SPAG9: variants seen among roughly 807,000 people sequenced by gnomAD.
SPAG9 encodes the protein sperm associated antigen 9.
Under a neutral mutation model 166.5 loss-of-function variants are expected in SPAG9, and 35 were observed. That is an observed-to-expected ratio of 0.21 (90% CI 0.16 to 0.28). SPAG9 has a LOEUF of 0.28. Ranked by LOEUF, SPAG9 falls within the 10% of genes least tolerant of loss-of-function variation. The probability of loss-of-function intolerance (pLI) is 1.00; values close to 1 mark genes in which losing one functional copy is unlikely to be tolerated. For synonymous variants in SPAG9, 534 were observed against 565.5 expected (o/e 0.94, Z 0.79); for missense variants, 1,235 against 1,603.3 (o/e 0.77, Z 3.92).
At chr17:50,984,766 C>A (rs1036668064) in intron 24 of SPAG9, among the ~76,000 whole-genome samples, 157 bp downstream of exon 24, 2 of 152,190 alleles carry the variant, frequency 1.3e-5, no homozygotes, top group Non-Finnish European at 2.9e-5. Context: ...TTAATGTATA[C>A]CTCCATGCAC....
chr17:51,076,461 C>T (rs1241397483), intron 2 of SPAG9, among the ~76,000 whole-genome samples: 7 of 151,972 alleles, frequency 4.6e-5, no homozygotes, highest in East Asian at 3.9e-4. Flanking sequence ...CCAGGCTGGG[C>T]GCAGTGGCTC....
rs1214206897 is a variant in SPAG9 at position 51,073,531 on chromosome 17, C to T, written c.424+6053G>A. Among the ~76,000 whole-genome samples the T allele has an allele frequency of 2.0e-5, 3 of 151,622 alleles. No homozygotes were observed. The South Asian group carries it at 6.2e-4, about 32-fold the overall frequency. Reference sequence around the variant, plus strand: ...AATTTTTAAAATTAAAAATAAGAAGCTTTGATTCATATTGCAGATTTAAAA... The same window carrying T: ...AATTTTTAAAATTAAAAATAAGAAGTTTTGATTCATATTGCAGATTTAAAA... On this transcript the variant is annotated intron_variant, in intron 2 of 29. Coordinates refer to ENST00000262013, the MANE Select transcript of SPAG9 (RefSeq NM_001130528.3).
At chr17:51,058,156 T>C (rs2047409714) in intron 2 of SPAG9, among the ~76,000 whole-genome samples, 1 of 152,186 alleles carries the variant, frequency 6.6e-6, no homozygotes, top group Non-Finnish European at 1.5e-5. Context: ...CCAACTATCA[T>C]TCATAATCCT....
intron 9 of SPAG9, 129 bp downstream of exon 9, chr17:51,014,103 A>G: frequency 1.5e-6 from 1 of 684,170 alleles, no homozygotes. Context: ...TGTTCCCAAT[A>G]ATTACCTAAA....
At chr17:50,979,213 GA>G (rs747797287) in intron 26 of SPAG9, among the ~76,000 whole-genome samples, 575 of 135,126 alleles carry the variant, frequency 4.3e-3, no homozygotes, top group Middle Eastern at 7.6e-3. Flanking sequence ...ATTTCTACAG[GA>G]AAAAAAAAAA....
rs367746645 is a variant in SPAG9 at position 51,077,049 on chromosome 17, TCTAGCTAG to T, written c.424+2527_424+2534del. Among the ~76,000 whole-genome samples the T allele has an allele frequency of 2.5e-4, 18 of 71,648 alleles. 1 individual carries two copies. The highest frequency in any genetic ancestry group is 5.9e-4 in the Admixed American group (4 of 6,770). 47.0% of individuals were successfully genotyped at this position (71,648 alleles called of 152,430 possible). ...AGCTATCTATCTAGCTATCTAGCTA[TCTAGCTAG>T]CTATCTAGCTAGCTATCTAGCTATC... On this transcript the variant is annotated intron_variant, in intron 2 of 29. Transcript: ENST00000262013.
chr17:51,106,720 C>A (rs941546794), intron 1 of SPAG9, among the ~76,000 whole-genome samples: 5 of 152,086 alleles, frequency 3.3e-5, no homozygotes, highest in African/African-American at 1.2e-4. Flanking sequence ...TCACTTGAAC[C>A]TGGGAGGCGG....
At chr17:50,994,742 C>G (rs1406813720) in intron 18 of SPAG9, among the ~76,000 whole-genome samples, 2 of 152,152 alleles carry the variant, frequency 1.3e-5, no homozygotes, top group Non-Finnish European at 2.9e-5. Context: ...GAGTGAGACT[C>G]TGTCTCTAAA....
chr17:50,982,165 G>A (rs1029816855), intron 25 of SPAG9, among the ~76,000 whole-genome samples: 2 of 152,152 alleles, frequency 1.3e-5, no homozygotes, highest in Admixed American at 6.5e-5. Context: ...TGGATTACAC[G>A]TGGGGAGGAC....
chr17:51,107,197 G>C (rs1177146527), intron 1 of SPAG9, among the ~76,000 whole-genome samples: 1 of 151,942 alleles, frequency 6.6e-6, no homozygotes, highest in East Asian at 1.9e-4. Context: ...ACCTACTTGG[G>C]GGAATGGGAT....
chr17:51,054,747 T>A (rs919648539), intron 3 of SPAG9, among the ~76,000 whole-genome samples: 1 of 152,076 alleles, frequency 6.6e-6, no homozygotes, highest in African/African-American at 2.4e-5. Context: ...AATGTGGGTA[T>A]TTTTTACCAC....
intron 15 of SPAG9, 121 bp downstream of exon 15, chr17:50,998,323 C>T: frequency 1.1e-6 from 1 of 904,834 alleles, no homozygotes; most frequent in Non-Finnish European, 1.6e-6. Context: ...AGCCACCGTG[C>T]CTGGCCCAGA....
At position 51,058,800 on chromosome 17, in the gene SPAG9, G is replaced by A. The variant is rs568598363; in HGVS notation, c.425-2318C>T. Reference sequence around the variant, plus strand: ...GTGCCAGTATGGATGTGGAACTACTGGAACTTTCATAAACTGTGGTGTATG... The same window carrying A: ...GTGCCAGTATGGATGTGGAACTACTAGAACTTTCATAAACTGTGGTGTATG... On this transcript the variant is annotated intron_variant, in intron 2 of 29. Coordinates refer to ENST00000262013, the MANE Select transcript of SPAG9 (RefSeq NM_001130528.3). Among the ~76,000 whole-genome samples, 115 of 152,120 alleles carry A rather than the reference G, an allele frequency of 7.6e-4. No individual in the cohort carries two copies. The East Asian group carries it at 9.3e-3, about 12-fold the overall frequency.
intron 20 of SPAG9, 91 bp from the exon 21 acceptor site, chr17:50,989,963 T>C: frequency 1.9e-6 from 2 of 1,028,914 alleles, no homozygotes; most frequent in Non-Finnish European, 3.1e-6. Context: ...TTCCATTCCA[T>C]CTACCCACTC....
intron 2 of SPAG9, among the ~76,000 whole-genome samples, chr17:51,077,117 T>TCTAG (rs1263993673): frequency 7.6e-6 from 1 of 131,482 alleles, no homozygotes; most frequent in Admixed American, 7.4e-5. Context: ...TATCTAGCTA[T>TCTAG]CTAGCTAGCT....
chr17:51,112,434 A>G (rs1052733736), intron 1 of SPAG9, among the ~76,000 whole-genome samples: 7 of 150,188 alleles, frequency 4.7e-5, no homozygotes, highest in Non-Finnish European at 1.0e-4. Flanking sequence ...GCACTTTGGG[A>G]GGCTGGGGCA....
At chr17:51,067,777 T>C (rs1259941515) in intron 2 of SPAG9, among the ~76,000 whole-genome samples, 1 of 151,808 alleles carries the variant, frequency 6.6e-6, no homozygotes, top group African/African-American at 2.4e-5. Context: ...AAAAGAACAA[T>C]CAAAAGACAA....
At position 51,016,646 on chromosome 17, in the gene SPAG9, C is replaced by G. The variant is rs2045708832; in HGVS notation, c.1092-2293G>C. On this transcript the variant is annotated intron_variant, in intron 8 of 29. Transcript: ENST00000262013. ...TGAAATGGGCCGTAGCAGTGGCTCA[C>G]GCCTGTAATCCCAGCACTGGGAGGC... Among the ~76,000 whole-genome samples the G allele has an allele frequency of 2.6e-5, 4 of 152,264 alleles. No individual in the cohort carries two copies. The South Asian group carries it at 8.3e-4, about 31-fold the overall frequency.
chr17:51,089,030 T>C (rs1300032836), intron 1 of SPAG9, among the ~76,000 whole-genome samples: 1 of 149,882 alleles, frequency 6.7e-6, no homozygotes, highest in African/African-American at 2.5e-5. Flanking sequence ...TAGGCAGGGG[T>C]TGCGGTGAGC....
Sources: allele counts gnomAD v4.1 joint callset (sites outside exome capture counted in the v4.1 genomes callset), GRCh38; gene constraint gnomAD v4.1.1; transcripts MANE v1.5; gene names NCBI Gene and HGNC (gene_info 2026-07-23, HGNC 2026-07-21).